Variants in PLPP7 observed in about 807,000 individuals in gnomAD.
PLPP7 encodes phospholipid phosphatase 7 (inactive).
Under a neutral mutation model 16.9 loss-of-function variants are expected in PLPP7, and 11 were observed. That is an observed-to-expected ratio of 0.65 (90% CI 0.41 to 1.08). The LOEUF (loss-of-function observed/expected upper bound fraction) is 1.08. Among genes scored for constraint, PLPP7 ranks in the 50% least tolerant of loss-of-function variants. The pLI, the probability that PLPP7 is intolerant of heterozygous loss-of-function variation, is 0.00. For missense variants in PLPP7, 358 were observed against 397.1 expected, an observed-to-expected ratio of 0.90 and a Z score of 0.84; for synonymous variants, 174 against 175.1, an observed-to-expected ratio of 0.99 and a Z score of 0.05.
At position 131,290,111 on chromosome 9, in the gene PLPP7, G is replaced by T. The variant is rs151095002; in HGVS notation, c.114G>T (p.Ser38=). The change falls in exon 1 of 2, where the codon TCG becomes TCT. Residue 38 remains serine, a synonymous_variant. Transcript: ENST00000372264. The surrounding 1 kb of genome is among the most constrained non-coding windows in gnomAD (Gnocchi z 4.2). ...PPKGGPEPRS[S]GRKASGPSAQ... ...AGGGGGGCCCGGAGCCCCGCAGCTC[G>T]GGCAGAAAGGCCTCGGGCCCATCAG... The T allele has an allele frequency of 3.2e-3, 4,875 of 1,530,550 alleles. 17 individuals are homozygous for T. The highest frequency in any genetic ancestry group is 7.2e-3 in the Middle Eastern group (41 of 5,720). The allele number at this position is 1,530,550 out of a possible 1,614,324, so 94.8% of individuals were successfully genotyped here.
intron 1 of PLPP7, among the ~76,000 whole-genome samples, chr9:131,301,834 T>G (rs966645473): frequency 1.1e-5 from 1 of 91,878 alleles, no homozygotes; most frequent in African/African-American, 3.7e-5. Context: ...TTTTTTTTTT[T>G]GAGACGGAGT....
rs753964377 is a variant in PLPP7, at chr9:131,290,838, G to A, written c.451+390G>A. 3.9e-5 allele frequency among the ~76,000 whole-genome samples: 6 copies of A among 152,126 alleles called. No individual in the cohort carries two copies. Among genetic ancestry groups the A allele is most frequent in the Non-Finnish European group, 7.4e-5 (5 of 68,010 alleles). On this transcript the variant is annotated intron_variant, in intron 1 of 1. Coordinates refer to ENST00000372264, the MANE Select transcript of PLPP7 (RefSeq NM_032728.4). The surrounding 1 kb of genome is among the most constrained non-coding windows in gnomAD (Gnocchi z 4.2). ...TGTCACTGTTTGACTCCTGCCCCACGGCTGAGGTCCTCGCTCCTTGACAGC... is the reference window on the plus strand; with the variant it reads ...TGTCACTGTTTGACTCCTGCCCCACAGCTGAGGTCCTCGCTCCTTGACAGC...
intron 1 of PLPP7, among the ~76,000 whole-genome samples, chr9:131,297,966 T>C (rs1395676548): frequency 1.3e-5 from 2 of 152,200 alleles, no homozygotes; most frequent in African/African-American, 2.4e-5. Context: ...CTTTCTGATA[T>C]AGTCGGGCTA....
At chr9:131,306,185 C>T (rs1307035632) in intron 1 of PLPP7, among the ~76,000 whole-genome samples, 17 of 150,820 alleles carry the variant, frequency 1.1e-4, no homozygotes, top group African/African-American at 4.9e-5. Context: ...TGCAGTGAGC[C>T]GAGATGGCAC....
chr9:131,299,657 G>T lies in PLPP7; in HGVS notation c.452-8266G>T, dbSNP rs10125477. Among the ~76,000 whole-genome samples the T allele has an allele frequency of 3.5e-3, 529 of 152,284 alleles. 6 individuals carry two copies. The highest frequency in any genetic ancestry group is 0.012 in the African/African-American group (503 of 41,548). On this transcript the variant is annotated intron_variant, in intron 1 of 1. Coordinates refer to ENST00000372264, the MANE Select transcript of PLPP7 (RefSeq NM_032728.4). ...CAACCCTCCCGGCCAGACGGCTGCG[G>T]CATGGTGAGGGCGAAAAGCCACGCA...
In PLPP7 at chr9:131,308,184, C is replaced by G. The variant is rs749157341; in HGVS notation, c.713C>G (p.Thr238Arg). 6.2e-7 allele frequency: 1 copy of G among 1,600,042 alleles called. No homozygotes were observed. Among genetic ancestry groups the G allele is most frequent in the Non-Finnish European group, 8.5e-7 (1 of 1,179,838 alleles). ...GTGATGATCGGCCGCCACCACGTCA[C>G]GGACGTCCTCTCCGGCTTTGTCATC... ...SRVMIGRHHVTDVLSGFVIGY... is the reference protein window; with the variant it reads ...SRVMIGRHHVRDVLSGFVIGY... The change falls in exon 2 of 2, where the codon ACG becomes AGG. Residue 238 changes from threonine (T) to arginine (R), a missense_variant. By Grantham distance (71) the Thr-to-Arg change is moderately conservative (BLOSUM62 -1). Coordinates refer to ENST00000372264, the MANE Select transcript of PLPP7 (RefSeq NM_032728.4).
Position 131,290,068 on chromosome 9 carries a change from C to T in PLPP7, c.71C>T (p.Ser24Phe). ...GTCCTCAACCGGGCTGAGTTCCTGT[C>T]CCTGAACCAGCCCCCCAAGGGGGGC... Reference protein sequence around the residue: ...NNVLNRAEFLSLNQPPKGGPE... With the variant: ...NNVLNRAEFLFLNQPPKGGPE... The change falls in exon 1 of 2, where the codon TCC (serine) becomes TTC (phenylalanine). Residue 24 changes from serine to phenylalanine, a missense_variant. Transcript: ENST00000372264. The surrounding 1 kb of genome is among the most constrained non-coding windows in gnomAD (Gnocchi z 4.2). 6.7e-7 allele frequency: 1 copy of T among 1,494,282 alleles called. No individual in the cohort carries two copies. Among genetic ancestry groups the T allele is most frequent in the Non-Finnish European group, 8.9e-7 (1 of 1,125,514 alleles). The allele number at this position is 1,494,282 out of a possible 1,614,324, so 92.6% of individuals were successfully genotyped here.
Position 131,308,217 on chromosome 9 carries a change from T to C in PLPP7, c.746T>C (p.Leu249Pro). ...CTCTCCGGCTTTGTCATCGGCTACC[T>C]CCAGTTCCGTCTGGTGGAGCTGGTC... is the stretch of plus-strand genomic sequence containing the variant. The part of the protein sequence containing the change: ...DVLSGFVIGY[L>P]QFRLVELVWM... The change falls in exon 2 of 2, where the codon CTC becomes CCC. Residue 249 changes from leucine to proline, a missense_variant. Transcript: ENST00000372264. 6.3e-7 allele frequency: 1 copy of C among 1,599,624 alleles called. No homozygotes were observed. Among genetic ancestry groups the C allele is most frequent in the Non-Finnish European group, 8.5e-7 (1 of 1,179,796 alleles).
In PLPP7 at chr9:131,290,523, G is replaced by A. The variant is rs1019199999; in HGVS notation, c.451+75G>A. 12 of 1,367,164 alleles carry A rather than the reference G, an allele frequency of 8.8e-6. No individual in the cohort carries two copies. Among genetic ancestry groups the A allele is most frequent in the Admixed American group, 5.1e-5 (2 of 39,490 alleles). The allele number at this position is 1,367,164 out of a possible 1,614,324, so 84.7% of individuals were successfully genotyped here. On this transcript the variant is annotated intron_variant, in intron 1 of 1. Coordinates refer to ENST00000372264, the MANE Select transcript of PLPP7 (RefSeq NM_032728.4). The surrounding 1 kb of genome is among the most constrained non-coding windows in gnomAD (Gnocchi z 4.2). ...GCCTGGCCTGCCCAACCCCACCCTG[G>A]CCGGGACCTGCACAGCCCTCAGAAA... is the stretch of plus-strand genomic sequence containing the variant.
intron 1 of PLPP7, among the ~76,000 whole-genome samples, chr9:131,304,810 G>C (rs1835836684): frequency 6.6e-6 from 1 of 152,224 alleles, no homozygotes; most frequent in Non-Finnish European, 1.5e-5. Flanking sequence ...TCATGCCGCA[G>C]ACAGCGAACC....
intron 1 of PLPP7, among the ~76,000 whole-genome samples, chr9:131,300,590 G>C (rs965917671): frequency 2.6e-5 from 4 of 151,046 alleles, no homozygotes; most frequent in Non-Finnish European, 1.5e-5. Flanking sequence ...GCTGAGGCAG[G>C]AGGATCATTT....
At chr9:131,301,758 A>G (rs1312420383) in intron 1 of PLPP7, among the ~76,000 whole-genome samples, 1 of 150,482 alleles carries the variant, frequency 6.6e-6, no homozygotes, top group Non-Finnish European at 1.5e-5. Flanking sequence ...TCCTCCTGGG[A>G]CCACCCTTGC....
intron 1 of PLPP7, among the ~76,000 whole-genome samples, chr9:131,299,393 G>A (rs1330355981): frequency 9.6e-6 from 1 of 104,290 alleles, no homozygotes; most frequent in African/African-American, 3.2e-5. Context: ...GGCCATGTGG[G>A]CGGAATCAGC....
chr9:131,299,526 C>T (rs891646292), intron 1 of PLPP7, among the ~76,000 whole-genome samples: 55 of 152,210 alleles, frequency 3.6e-4, no homozygotes, highest in Non-Finnish European at 1.5e-4. Flanking sequence ...GCAGGGGCAG[C>T]AGGAAAGGGC....
chr9:131,308,369 G>T lies in PLPP7; in HGVS notation c.*82G>T. 6.8e-7 allele frequency: 1 copy of T among 1,470,662 alleles called. No homozygotes were observed. The highest frequency in any genetic ancestry group is 9.0e-7 in the Non-Finnish European group (1 of 1,112,424). The allele number at this position is 1,470,662 out of a possible 1,614,324, so 91.1% of individuals were successfully genotyped here. On this transcript the variant is annotated 3_prime_UTR_variant, in exon 2 of 2. Transcript: ENST00000372264. ...AGGGGGTGGCGAGGTGGCGGGCGTGGGTGGAACAGAGCGGCCAGGAGTCAG... is the reference window on the plus strand; with the variant it reads ...AGGGGGTGGCGAGGTGGCGGGCGTGTGTGGAACAGAGCGGCCAGGAGTCAG...
intron 1 of PLPP7, among the ~76,000 whole-genome samples, chr9:131,293,460 T>C (rs555688927): frequency 5.9e-4 from 90 of 152,282 alleles, no homozygotes; most frequent in Non-Finnish European, 8.1e-4. Context: ...AGACCTCGGC[T>C]TGGTGGGAGA....
chr9:131,289,796 C>A lies in PLPP7; in HGVS notation c.-202C>A, dbSNP rs1052232536. On this transcript the variant is annotated 5_prime_UTR_variant, in exon 1 of 2. Coordinates refer to ENST00000372264, the MANE Select transcript of PLPP7 (RefSeq NM_032728.4). Reference sequence around the variant, plus strand: ...GCATTGGAGGGCTCGATTGGCTGCCCGGCTGGCACTGACGTCCCCTTGGAG... The same window carrying A: ...GCATTGGAGGGCTCGATTGGCTGCCAGGCTGGCACTGACGTCCCCTTGGAG... 2.4e-6 allele frequency: 1 copy of A among 421,594 alleles called. No individual in the cohort carries two copies. The highest frequency in any genetic ancestry group is 2.0e-5 in the African/African-American group (1 of 49,126). 26.1% of individuals were successfully genotyped at this position (421,594 alleles called of 1,614,324 possible). A position where few individuals can be genotyped will look rare whatever the true frequency, so the allele number is the denominator to read the frequency against.
chr9:131,290,051 C>T lies in PLPP7; in HGVS notation c.54C>T (p.Asn18=). 1 of 1,471,110 alleles carries T rather than the reference C, an allele frequency of 6.8e-7. No individual in the cohort carries two copies. Among genetic ancestry groups the T allele is most frequent in the Non-Finnish European group, 9.0e-7 (1 of 1,115,718 alleles). The allele number at this position is 1,471,110 out of a possible 1,614,324, so 91.1% of individuals were successfully genotyped here. A position where few individuals can be genotyped will look rare whatever the true frequency, so the allele number is the denominator to read the frequency against. Residue 18 remains asparagine, a synonymous_variant, in exon 1 of 2, where the codon AAC becomes AAT. Transcript: ENST00000372264. The surrounding 1 kb of genome is among the most constrained non-coding windows in gnomAD (Gnocchi z 4.2). ...ARARDRNNVL[N]RAEFLSLNQP... ...CCCGGGACCGCAACAACGTCCTCAA[C>T]CGGGCTGAGTTCCTGTCCCTGAACC...
chr9:131,307,032 G>C (rs1379604061), intron 1 of PLPP7, among the ~76,000 whole-genome samples: 1 of 152,074 alleles, frequency 6.6e-6, no homozygotes, highest in South Asian at 2.1e-4. Context: ...GTCACCTGAG[G>C]CCAGGAGTTG....
Sources: allele counts gnomAD v4.1 joint callset (sites outside exome capture counted in the v4.1 genomes callset), GRCh38; gene constraint gnomAD v4.1.1; non-coding constraint Gnocchi (gnomAD v3.1); transcripts MANE v1.5; gene names NCBI Gene and HGNC (gene_info 2026-07-23, HGNC 2026-07-21).